DOCK6: variants seen among roughly 807,000 people sequenced by gnomAD.
DOCK6 encodes dedicator of cytokinesis 6, also known as dedicator of cytokinesis protein 6.
In DOCK6, 167 loss-of-function variants were observed where a neutral mutation model predicts 230.3. That is an observed-to-expected ratio of 0.73 (90% CI 0.64 to 0.82). The LOEUF (loss-of-function observed/expected upper bound fraction) is 0.82. Among genes scored for constraint, DOCK6 ranks in the 40% least tolerant of loss-of-function variants. The probability of loss-of-function intolerance (pLI) is 0.00; values close to 1 mark genes in which losing one functional copy is unlikely to be tolerated. For synonymous variants in DOCK6, 1,148 were observed against 1,185.0 expected, an observed-to-expected ratio of 0.97 and a Z score of 0.64; for missense variants, 2,598 against 2,825.8, an observed-to-expected ratio of 0.92 and a Z score of 1.83.
chr19:11,260,811 A>G (rs1226043736), intron 1 of DOCK6, among the ~76,000 whole-genome samples: 1 of 144,772 alleles, frequency 6.9e-6, no homozygotes, highest in Admixed American at 7.1e-5. Context: ...TGAACCCAGG[A>G]GGCGAAGGTT....
At chr19:11,233,832 CCTGA>C (rs1264866404) in intron 21 of DOCK6, among the ~76,000 whole-genome samples, 1 of 149,212 alleles carries the variant, frequency 6.7e-6, no homozygotes, top group Non-Finnish European at 1.5e-5. Flanking sequence ...AGAATAAGAT[CCTGA>C]CTTTTTTTTT....
intron 34 of DOCK6, 23 bp downstream of exon 34, chr19:11,214,252 C>A: frequency 6.3e-7 from 1 of 1,585,192 alleles, no homozygotes; most frequent in East Asian, 2.3e-5. Context: ...TTCTAAGAAT[C>A]ATGGTTGTTG....
In DOCK6 at chr19:11,232,796, G is replaced by C. The variant is rs550430296; in HGVS notation, c.2718+407C>G. 3.3e-5 allele frequency among the ~76,000 whole-genome samples: 5 copies of C among 152,080 alleles called. No individual in the cohort carries two copies. In the South Asian group the frequency reaches 1.0e-3, roughly 32 times the overall value. Reference sequence around the variant, plus strand: ...ACCTGTGTAGGTATATGCATGTGGGGGTGAATGTGTATATGCACCCATGTA... The same window carrying C: ...ACCTGTGTAGGTATATGCATGTGGGCGTGAATGTGTATATGCACCCATGTA... On this transcript the variant is annotated intron_variant, in intron 22 of 47. Transcript: ENST00000294618.
Position 11,236,388 on chromosome 19 carries a change from C to CGAGCTTGTCCAG in DOCK6, c.2338_2349dup (p.Leu780_Leu783dup). The CGAGCTTGTCCAG allele has an allele frequency of 3.8e-6, 6 of 1,580,206 alleles. No homozygotes were observed. The highest frequency in any genetic ancestry group is 5.2e-6 in the Non-Finnish European group (6 of 1,162,724). ...ATCGGGGGCCTGATGACCAGACGCA[C>CGAGCTTGTCCAG]GAGCTTGTCCAGCACGTGGTGGGAG... On this transcript the variant is annotated inframe_insertion, in exon 20 of 48. Transcript: ENST00000294618. The surrounding 1 kb of genome is among the most constrained non-coding windows in gnomAD (Gnocchi z 5.2).
chr19:11,200,533 G>C lies in DOCK6; in HGVS notation c.5940-64C>G. 3 of 1,572,958 alleles carry C rather than the reference G, an allele frequency of 1.9e-6. No homozygotes were observed. The highest frequency in any genetic ancestry group is 1.2e-5 in the South Asian group (1 of 86,200). On this transcript the variant is annotated intron_variant, in intron 46 of 47. Transcript: ENST00000294618. This position sits in a 1 kb window ranked among gnomAD's most constrained non-coding sequence, Gnocchi z 4.3. ...CACGGGACTGAAAGCAAGACTAGGG[G>C]TGGGGGCACCCATAAGGCGGGACCA...
intron 1 of DOCK6, among the ~76,000 whole-genome samples, chr19:11,256,477 C>T (rs1216642813): frequency 6.6e-6 from 1 of 152,096 alleles, no homozygotes; most frequent in Non-Finnish European, 1.5e-5. Context: ...GCACGGAGAG[C>T]CGTCAAGCTT....
intron 41 of DOCK6, 177 bp downstream of exon 41, chr19:11,203,897 CGGGGGGT>C: frequency 4.5e-6 from 3 of 674,156 alleles, no homozygotes; most frequent in Non-Finnish European, 4.7e-6. Flanking sequence ...AGATCTGGGG[CGGGGGGT>C]GGGGGCATTT....
chr19:11,236,406 G>C lies in DOCK6; in HGVS notation c.2332C>G (p.His778Asp), dbSNP rs2079848293. Residue 778 changes from histidine (H) to aspartate (D), a missense_variant, in exon 20 of 48, where the codon CAC becomes GAC. Physicochemically the swap from His to Asp is moderately conservative, Grantham distance 81. Transcript: ENST00000294618. This position sits in a 1 kb window ranked among gnomAD's most constrained non-coding sequence, Gnocchi z 5.2. ...AGACGCACGAGCTTGTCCAGCACGTGGTGGGAGAAGGCCACAAGGGGTTCG... is the reference window on the plus strand; with the variant it reads ...AGACGCACGAGCTTGTCCAGCACGTCGTGGGAGAAGGCCACAAGGGGTTCG... ...SPEPLVAFSH[H>D]VLDKLVRLVI... 5.0e-6 allele frequency: 8 copies of C among 1,587,930 alleles called. No homozygotes were observed. Among genetic ancestry groups the C allele is most frequent in the Non-Finnish European group, 6.0e-6 (7 of 1,167,652 alleles).
In DOCK6 at chr19:11,222,861, C is replaced by G; in HGVS notation, c.3114G>C (p.Leu1038=). The stretch of plus-strand genomic sequence containing the variant: ...TGCGGGTGAATTCCATGCGCAGGGT[C>G]AGCAGGGCTGCTGGATTAGGGGACG... ...LQSSPNPAAL[L]TLRMEFTRIL... Residue 1038 remains leucine, a synonymous_variant, in exon 26 of 48, where the codon CTG becomes CTC. Coordinates refer to ENST00000294618, the MANE Select transcript of DOCK6 (RefSeq NM_020812.4). This position sits in a 1 kb window ranked among gnomAD's most constrained non-coding sequence, Gnocchi z 4.0. The G allele has an allele frequency of 6.2e-7, 1 of 1,605,110 alleles. No individual in the cohort carries two copies. Among genetic ancestry groups the G allele is most frequent in the South Asian group, 1.1e-5 (1 of 89,794 alleles).
chr19:11,245,664 GC>G lies in DOCK6; in HGVS notation c.921del (p.Leu308CysfsTer22). ...GGGTGGGTGCCATGAGCCCGAAGCA[GC>G]CCCTTCATGGAGTCCGAGTTCAGGT... ...YFDLNSDSMKGLLRAHGTHPA... is the reference protein window; with the variant it reads ...YFDLNSDSMKXLLRAHGTHPA... On this transcript the variant is annotated frameshift_variant, in exon 9 of 48. Coordinates refer to ENST00000294618, the MANE Select transcript of DOCK6 (RefSeq NM_020812.4). LOFTEE classifies it high-confidence loss of function. 1 of 1,609,598 alleles carries G rather than the reference GC, an allele frequency of 6.2e-7. No homozygotes were observed. Among genetic ancestry groups the G allele is most frequent in the Non-Finnish European group, 8.5e-7 (1 of 1,177,946 alleles).
intron 6 of DOCK6, among the ~76,000 whole-genome samples, chr19:11,250,016 C>CTT (rs898651661): frequency 7.1e-6 from 1 of 140,596 alleles, no homozygotes; most frequent in Non-Finnish European, 1.5e-5. Context: ...CAGAAGCTAT[C>CTT]TTTTTTTTTT....
intron 1 of DOCK6, among the ~76,000 whole-genome samples, chr19:11,254,273 G>A (rs1412534108): frequency 6.6e-6 from 1 of 152,208 alleles, no homozygotes; most frequent in African/African-American, 2.4e-5. Flanking sequence ...CCTGAGATGA[G>A]GCCATTGTGT....
intron 14 of DOCK6, chr19:11,240,167 G>T (rs780367709): frequency 6.4e-7 from 1 of 1,552,360 alleles, no homozygotes; most frequent in African/African-American, 1.4e-5. Context: ...TGCAGGCAGA[G>T]GCCACAGCTG....
chr19:11,253,653 T>C lies in DOCK6; in HGVS notation c.118A>G (p.Ser40Gly). 4 of 1,449,560 alleles carry C rather than the reference T, an allele frequency of 2.8e-6. No homozygotes were observed. The highest frequency in any genetic ancestry group is 3.6e-6 in the Non-Finnish European group (4 of 1,106,838). 89.8% of individuals were successfully genotyped at this position (1,449,560 alleles called of 1,614,324 possible). ...CAAATACTTACCCCCAGGGAGCTGC[T>C]GCAGCGCCTGCTGGAGTGGGGGGAG... ...SGSPHSSRRCSSSLGVPLTEV... is the reference protein window; with the variant it reads ...SGSPHSSRRCGSSLGVPLTEV... The change falls in exon 2 of 48, where the codon AGC (serine) becomes GGC (glycine). Residue 40 changes from serine (S) to glycine (G), a missense_variant. By Grantham distance (56) the Ser-to-Gly change is moderately conservative. Transcript: ENST00000294618.
chr19:11,200,064 C>T lies in DOCK6; in HGVS notation c.6101+244G>A, dbSNP rs1236683715. The stretch of plus-strand genomic sequence containing the variant: ...ACTCAGGAGGCTGAGGCAGGAGACT[C>T]GCTTGAATCTGGGAGGCGGAGGTTG... On this transcript the variant is annotated intron_variant, in intron 47 of 47. Transcript: ENST00000294618. This position sits in a 1 kb window ranked among gnomAD's most constrained non-coding sequence, Gnocchi z 4.3. 6.6e-6 allele frequency among the ~76,000 whole-genome samples: 1 copy of T among 150,850 alleles called. No homozygotes were observed. The highest frequency in any genetic ancestry group is 1.5e-5 in the Non-Finnish European group (1 of 67,880).
At position 11,199,383 on chromosome 19, in the gene DOCK6, G is replaced by C; in HGVS notation, c.*114C>G. 1 of 1,278,290 alleles carries C rather than the reference G, an allele frequency of 7.8e-7. No homozygotes were observed. Among genetic ancestry groups the C allele is most frequent in the Non-Finnish European group, 1.1e-6 (1 of 899,306 alleles). The allele number at this position is 1,278,290 out of a possible 1,614,324, so 79.2% of individuals were successfully genotyped here. A position where few individuals can be genotyped will look rare whatever the true frequency, so the allele number is the denominator to read the frequency against. ...ACAGGGGCAGAGGGCCCAGCCCCAA[G>C]TACAGTGTGGTCACCCCACAGCCCA... On this transcript the variant is annotated 3_prime_UTR_variant, in exon 48 of 48. Coordinates refer to ENST00000294618, the MANE Select transcript of DOCK6 (RefSeq NM_020812.4).
chr19:11,218,785 G>A (rs944989132), intron 28 of DOCK6, among the ~76,000 whole-genome samples: 1 of 149,522 alleles, frequency 6.7e-6, no homozygotes, highest in African/African-American at 2.5e-5. Flanking sequence ...GCACTTATAT[G>A]GTATCTCCTA....
chr19:11,241,671 C>T lies in DOCK6; in HGVS notation c.1643+374G>A, dbSNP rs545749232. The T allele has an allele frequency of 3.2e-4, 505 of 1,582,822 alleles. 6 individuals carry two copies. In the South Asian group the frequency reaches 5.4e-3, roughly 17 times the overall value. ...ATCTCCCTCCCCAGACTCCACACAG[C>T]GGCGCTCCCAGCCTGAATCTGCCTG... On this transcript the variant is annotated intron_variant, in intron 14 of 47. Transcript: ENST00000294618.
intron 22 of DOCK6, among the ~76,000 whole-genome samples, chr19:11,232,475 G>C (rs1454183634): frequency 1.3e-5 from 2 of 152,116 alleles, no homozygotes; most frequent in African/African-American, 4.8e-5. Flanking sequence ...TGTGTATGTG[G>C]GTCCACAGGT....
Sources: allele counts gnomAD v4.1 joint callset (sites outside exome capture counted in the v4.1 genomes callset), GRCh38; gene constraint gnomAD v4.1.1; non-coding constraint Gnocchi (gnomAD v3.1); transcripts MANE v1.5; gene names NCBI Gene and HGNC (gene_info 2026-07-23, HGNC 2026-07-21).